The following CTNNA2 variants were observed in gnomAD, a reference collection of about 807,000 sequenced individuals.
The protein encoded by CTNNA2 is catenin alpha 2, also known as catenin alpha-2.
Under a neutral mutation model 101.0 loss-of-function variants are expected in CTNNA2, and 42 were observed. The observed-to-expected ratio is 0.42, with a 90% CI of 0.32 to 0.54. The LOEUF (loss-of-function observed/expected upper bound fraction) is 0.54, where lower values mean the gene tolerates loss of function less well. Among genes scored for constraint, CTNNA2 ranks in the 20% least tolerant of loss-of-function variants. The pLI, the probability that CTNNA2 is intolerant of heterozygous loss-of-function variation, is 0.14. For missense variants in CTNNA2, 871 were observed against 1,223.1 expected, an observed-to-expected ratio of 0.71 and a Z score of 4.29; for synonymous variants, 450 against 456.4, an observed-to-expected ratio of 0.99 and a Z score of 0.18.
At chr2:79,899,406 G>A (rs1485031054) in intron 6 of CTNNA2, among the ~76,000 whole-genome samples, 1 of 152,138 alleles carries the variant, frequency 6.6e-6, no homozygotes, top group Non-Finnish European at 1.5e-5. Context: ...GAGATGATGG[G>A]ATTAGGGAAA....
chr2:80,535,556 ACCCTG>A, intron 9 of CTNNA2, among the ~76,000 whole-genome samples: 1 of 152,130 alleles, frequency 6.6e-6, no homozygotes, highest in Non-Finnish European at 1.5e-5. Flanking sequence ...CAGAACATAA[ACCCTG>A]GGCTGCTTGA....
At chr2:80,507,870 A>G (rs550311222) in intron 9 of CTNNA2, among the ~76,000 whole-genome samples, 1 of 152,304 alleles carries the variant, frequency 6.6e-6, no homozygotes, top group South Asian at 2.1e-4. Flanking sequence ...CTGTCAAGGT[A>G]GGCAGACTCA....
At chr2:79,369,114 GCACCAC>G (rs760338208) in intron 3 of CTNNA2, among the ~76,000 whole-genome samples, 31 of 152,222 alleles carry the variant, frequency 2.0e-4, no homozygotes, top group South Asian at 1.0e-3. Context: ...GCACACCAGG[GCACCAC>G]CACTGGGAGC....
chr2:80,574,141 C>T lies in CTNNA2; in HGVS notation c.1742-22C>T, dbSNP rs1323339650. Reference sequence around the variant, plus strand: ...AGTGAGAGAGAAATTGCCTAATCCTCTGCTTTTTATTTTTAACCCAGTGAT... The same window carrying T: ...AGTGAGAGAGAAATTGCCTAATCCTTTGCTTTTTATTTTTAACCCAGTGAT... On this transcript the variant is annotated intron_variant, in intron 12 of 18. Transcript: ENST00000402739. 5.6e-6 allele frequency: 9 copies of T among 1,603,628 alleles called. No individual in the cohort carries two copies. The African/African-American group carries it at 8.0e-5, about 14-fold the overall frequency.
chr2:79,697,065 C>G (rs1684697089), intron 2 of CTNNA2, among the ~76,000 whole-genome samples: 1 of 151,948 alleles, frequency 6.6e-6, no homozygotes, highest in Non-Finnish European at 1.5e-5. Context: ...AACTGGTTTT[C>G]TCAGGGTCAC....
chr2:79,436,185 C>A (rs188523327), intron 4 of CTNNA2, among the ~76,000 whole-genome samples: 2 of 152,230 alleles, frequency 1.3e-5, no homozygotes, highest in Non-Finnish European at 2.9e-5. Flanking sequence ...TTTCTACCTG[C>A]GATGAACTGA....
chr2:80,295,394 C>T (rs1427893107), intron 7 of CTNNA2, among the ~76,000 whole-genome samples: 1 of 152,164 alleles, frequency 6.6e-6, no homozygotes, highest in Non-Finnish European at 1.5e-5. Flanking sequence ...CTCATCTTCT[C>T]CTCTGTTTTC....
chr2:79,770,907 A>G (rs941537432), intron 3 of CTNNA2, among the ~76,000 whole-genome samples: 6 of 152,218 alleles, frequency 3.9e-5, no homozygotes, highest in South Asian at 4.1e-4. Context: ...CTAGCTTTCT[A>G]TGTTTTAGAT....
chr2:79,659,597 T>G (rs1165259934), intron 2 of CTNNA2, among the ~76,000 whole-genome samples: 3 of 152,212 alleles, frequency 2.0e-5, no homozygotes, highest in African/African-American at 4.8e-5. Flanking sequence ...CCAAGTATAT[T>G]TTCCCATTTT....
chr2:80,268,131 T>A (rs990517941), intron 7 of CTNNA2, among the ~76,000 whole-genome samples: 6 of 152,248 alleles, frequency 3.9e-5, no homozygotes, highest in African/African-American at 1.4e-4. Flanking sequence ...GAATGGCAGC[T>A]GCTGCCCTAA....
intron 11 of CTNNA2, among the ~76,000 whole-genome samples, chr2:80,550,482 C>T (rs1231241884): frequency 1.3e-5 from 2 of 152,208 alleles, no homozygotes; most frequent in East Asian, 3.9e-4. Flanking sequence ...TGCTGTTTGA[C>T]AGCACTTTAT....
chr2:80,254,654 C>T (rs1672004111), intron 7 of CTNNA2, among the ~76,000 whole-genome samples: 1 of 152,032 alleles, frequency 6.6e-6, no homozygotes, highest in Admixed American at 6.6e-5. Context: ...GGAAAAGTTG[C>T]TTTGTATTTT....
At chr2:79,686,466 C>T (rs1175995319) in intron 2 of CTNNA2, among the ~76,000 whole-genome samples, 1 of 152,124 alleles carries the variant, frequency 6.6e-6, no homozygotes, top group Non-Finnish European at 1.5e-5. Context: ...CTGCAAAATA[C>T]TTCATTTAGT....
chr2:80,348,915 G>A (rs1315690986), intron 7 of CTNNA2, among the ~76,000 whole-genome samples: 1 of 152,140 alleles, frequency 6.6e-6, no homozygotes, highest in Non-Finnish European at 1.5e-5. Flanking sequence ...AGATTGGAAG[G>A]AAGCAACAGA....
At chr2:80,528,113 A>T (rs1690194486) in intron 9 of CTNNA2, among the ~76,000 whole-genome samples, 1 of 152,206 alleles carries the variant, frequency 6.6e-6, no homozygotes, top group South Asian at 2.1e-4. Context: ...ATGGATGGAG[A>T]TGTGGGGCAC....
At chr2:79,465,424 C>A (rs1441719630) in intron 4 of CTNNA2, among the ~76,000 whole-genome samples, 3 of 152,168 alleles carry the variant, frequency 2.0e-5, no homozygotes, top group Non-Finnish European at 4.4e-5. Flanking sequence ...CCTGATGCCT[C>A]CAGCTTTGTT....
intron 9 of CTNNA2, among the ~76,000 whole-genome samples, chr2:80,434,116 C>T (rs1413522617): frequency 6.6e-6 from 1 of 152,150 alleles, no homozygotes; most frequent in Non-Finnish European, 1.5e-5. Flanking sequence ...CTGATAGAGT[C>T]CAAGTGTACA....
intron 1 of CTNNA2, among the ~76,000 whole-genome samples, chr2:79,586,344 G>T (rs1357453029): frequency 1.6e-5 from 1 of 63,390 alleles, no homozygotes. Context: ...TCAGCCTTGT[G>T]GTCAGATGTG....
At position 80,162,905 on chromosome 2, in the gene CTNNA2, A is replaced by T. The variant is rs192587008; in HGVS notation, c.1057-230306A>T. On this transcript the variant is annotated intron_variant, in intron 7 of 18. Coordinates refer to ENST00000402739, the MANE Select transcript of CTNNA2 (RefSeq NM_001282597.3). ...TATCCCTAGTCCTTTCGTACCTGCTAGGAGTTGTGGAGGTAGGGCTTGAAT... is the reference window on the plus strand; with the variant it reads ...TATCCCTAGTCCTTTCGTACCTGCTTGGAGTTGTGGAGGTAGGGCTTGAAT... 5.1e-6 allele frequency: 8 copies of T among 1,568,474 alleles called. No homozygotes were observed. In the African/African-American group the frequency reaches 9.5e-5, roughly 19 times the overall value.
Sources: allele counts gnomAD v4.1 joint callset (sites outside exome capture counted in the v4.1 genomes callset), GRCh38; gene constraint gnomAD v4.1.1; transcripts MANE v1.5; gene names NCBI Gene and HGNC (gene_info 2026-07-23, HGNC 2026-07-21).